Variants in SLX4 observed in about 807,000 individuals in gnomAD.
SLX4 encodes SLX4 structure-specific endonuclease subunit, also known as structure-specific endonuclease subunit SLX4.
SLX4 carries 112 observed loss-of-function variants against 146.2 expected under a neutral mutation model. The ratio of observed to expected loss-of-function variants is 0.77; its 90% CI spans 0.66 to 0.90. The LOEUF (loss-of-function observed/expected upper bound fraction) is 0.90, where lower values mean the gene tolerates loss of function less well. Among genes scored for constraint, SLX4 ranks in the 40% least tolerant of loss-of-function variants. The pLI is 0.00. For synonymous variants in SLX4, 1,061 were observed against 997.7 expected, an observed-to-expected ratio of 1.06 and a Z score of -1.20; for missense variants, 2,563 against 2,392.7, an observed-to-expected ratio of 1.07 and a Z score of -1.49.
Position 3,608,451 on chromosome 16 carries a change from G to C in SLX4, c.514C>G (p.Leu172Val). Residue 172 changes from leucine to valine, a missense_variant, in exon 2 of 15, where the codon CTT (leucine) becomes GTT (valine). By Grantham distance (32) the Leu-to-Val change is conservative (BLOSUM62 1). Coordinates refer to ENST00000294008, the MANE Select transcript of SLX4 (RefSeq NM_032444.4). Reference protein sequence around the residue: ...TGNQQEPSPNLSREKTRENVP... With the variant: ...TGNQQEPSPNVSREKTRENVP... Reference sequence around the variant, plus strand: ...TTACCTCTGGTTTTCTCTCTGGAAAGGTTTGGCGATGGTTCTTGCTGGTTA... The same window carrying C: ...TTACCTCTGGTTTTCTCTCTGGAAACGTTTGGCGATGGTTCTTGCTGGTTA... The C allele has an allele frequency of 6.2e-7, 1 of 1,614,214 alleles. No homozygotes were observed. The highest frequency in any genetic ancestry group is 8.5e-7 in the Non-Finnish European group (1 of 1,180,042).
rs1284986751 is a variant in SLX4, at chr16:3,584,856, T to C, written c.4652A>G (p.Lys1551Arg). 3 of 1,613,448 alleles carry C rather than the reference T, an allele frequency of 1.9e-6. No homozygotes were observed. In the South Asian group the frequency reaches 3.3e-5, roughly 18 times the overall value. The change falls in exon 13 of 15, where the codon AAG (lysine) becomes AGG (arginine). Residue 1551 changes from lysine to arginine, a missense_variant. Coordinates refer to ENST00000294008, the MANE Select transcript of SLX4 (RefSeq NM_032444.4). The part of the protein sequence containing the change: ...GLETPKGANR[K>R]KNLPPKVPIT... ...GGGCACTTTGGGGGGCAAGTTCTTC[T>C]TCCGATTAGCACCTTCTGGGTAAAA...
intron 3 of SLX4, among the ~76,000 whole-genome samples, chr16:3,603,766 G>A (rs2040753757): frequency 6.6e-6 from 1 of 152,240 alleles, no homozygotes; most frequent in Admixed American, 6.5e-5. Context: ...CAAGTACACA[G>A]CAGCTATGGG....
At chr16:3,598,700 G>C (rs1008179140) in intron 5 of SLX4, among the ~76,000 whole-genome samples, 1 of 152,224 alleles carries the variant, frequency 6.6e-6, no homozygotes, top group Non-Finnish European at 1.5e-5. Context: ...ATGCAGTCAT[G>C]CCTCTGGCTT....
Position 3,590,699 on chromosome 16 carries a change from G to C in SLX4, c.2939C>G (p.Ala980Gly). ...TGAGAAGAGCTGTTCGTAATCCCCG[G>C]CATCATCTGAGTGCGGAAGAGAGCC... Reference protein sequence around the residue: ...KEGSLPHSDDAGDYEQLFSST... With the variant: ...KEGSLPHSDDGGDYEQLFSST... The change falls in exon 12 of 15, where the codon GCC becomes GGC. Residue 980 changes from alanine (A) to glycine (G), a missense_variant. By Grantham distance (60) the Ala-to-Gly change is moderately conservative. Coordinates refer to ENST00000294008, the MANE Select transcript of SLX4 (RefSeq NM_032444.4). The surrounding 1 kb of genome is among the most constrained non-coding windows in gnomAD (Gnocchi z 4.8). 6.2e-7 allele frequency: 1 copy of C among 1,614,174 alleles called. No individual in the cohort carries two copies. The highest frequency in any genetic ancestry group is 1.1e-5 in the South Asian group (1 of 91,080).
At chr16:3,592,670 A>G in intron 11 of SLX4, 29 bp downstream of exon 11, 1 of 1,607,616 alleles carries the variant, frequency 6.2e-7, no homozygotes, top group African/African-American at 1.3e-5. Flanking sequence ...CTCGTCAGTT[A>G]ATTTCAAAAG....
chr16:3,600,661 T>G, intron 5 of SLX4: 1 of 326,280 alleles, frequency 3.1e-6, no homozygotes, highest in South Asian at 2.4e-5. Flanking sequence ...AGTGCAGTGG[T>G]ACGATCTTGG....
intron 8 of SLX4, among the ~76,000 whole-genome samples, chr16:3,595,917 C>T (rs1375713349): frequency 6.6e-6 from 1 of 152,256 alleles, no homozygotes; most frequent in East Asian, 1.9e-4. Flanking sequence ...AGAGGATTCA[C>T]TCGCTGTGGG....
chr16:3,586,207 G>A (rs538039254), intron 12 of SLX4, among the ~76,000 whole-genome samples: 2 of 152,200 alleles, frequency 1.3e-5, no homozygotes, highest in South Asian at 4.1e-4. Flanking sequence ...ATTCCTAAGT[G>A]GCATTATTAA....
At chr16:3,583,772 G>A (rs974334127) in intron 13 of SLX4, among the ~76,000 whole-genome samples, 1 of 152,146 alleles carries the variant, frequency 6.6e-6, no homozygotes, top group African/African-American at 2.4e-5. Context: ...GGAGGCTGAG[G>A]CAGGAGGACA....
In SLX4 at chr16:3,596,375, C is replaced by A; in HGVS notation, c.1702G>T (p.Val568Leu). ...RPAQGLMQEPVPPLVPPEHSE... is the reference protein window; with the variant it reads ...RPAQGLMQEPLPPLVPPEHSE... Reference sequence around the variant, plus strand: ...TGCTCAGGTGGCACCAGAGGCGGCACGGGCTCCTGCATAAGGCCCTGAAAG... The same window carrying A: ...TGCTCAGGTGGCACCAGAGGCGGCAAGGGCTCCTGCATAAGGCCCTGAAAG... The change falls in exon 8 of 15, where the codon GTG (valine) becomes TTG (leucine). Residue 568 changes from valine (V) to leucine (L), a missense_variant. Physicochemically the swap from Val to Leu is conservative, Grantham distance 32. Coordinates refer to ENST00000294008, the MANE Select transcript of SLX4 (RefSeq NM_032444.4). 1 of 1,596,536 alleles carries A rather than the reference C, an allele frequency of 6.3e-7. No homozygotes were observed. Among genetic ancestry groups the A allele is most frequent in the Non-Finnish European group, 8.5e-7 (1 of 1,170,542 alleles).
intron 10 of SLX4, among the ~76,000 whole-genome samples, chr16:3,593,553 G>C (rs1567171943): frequency 6.6e-6 from 1 of 152,160 alleles, no homozygotes; most frequent in Non-Finnish European, 1.5e-5. Context: ...CCCAGGAAAA[G>C]CATTAGCCAC....
At position 3,597,855 on chromosome 16, in the gene SLX4, C is replaced by T. The variant is rs147915773; in HGVS notation, c.1308G>A (p.Ala436=). The part of the protein sequence containing the change: ...ALSRSEMEPG[A]AVPALRLESA... ...TTTCCAGCCTGAGCGCTGGTACAGCCGCACCCGGCTCCATCTCCGACCGGG... is the reference window on the plus strand; with the variant it reads ...TTTCCAGCCTGAGCGCTGGTACAGCTGCACCCGGCTCCATCTCCGACCGGG... Residue 436 remains alanine (A), a synonymous_variant, in exon 6 of 15, where the codon GCG becomes GCA. Coordinates refer to ENST00000294008, the MANE Select transcript of SLX4 (RefSeq NM_032444.4). This position sits in a 1 kb window ranked among gnomAD's most constrained non-coding sequence, Gnocchi z 4.4. The T allele has an allele frequency of 7.4e-6, 12 of 1,614,006 alleles. No homozygotes were observed. The highest frequency in any genetic ancestry group is 2.2e-5 in the South Asian group (2 of 91,080).
rs778404827 is a variant in SLX4, at chr16:3,608,504, C to T, written c.461G>A (p.Arg154Gln). 3.3e-5 allele frequency: 54 copies of T among 1,614,038 alleles called. No homozygotes were observed. Among genetic ancestry groups the T allele is most frequent in the Admixed American group, 8.3e-5 (5 of 59,994 alleles). ...CGTCTGGGTGTTTTGTGCTGTTTCC[C>T]GGAGCACAGGTGGATCTGGAGCAGA... is the stretch of plus-strand genomic sequence containing the variant. The part of the protein sequence containing the change: ...LASAPDPPVL[R>Q]ETAQNTQTGN... The change falls in exon 2 of 15, where the codon CGG becomes CAG. Residue 154 changes from arginine (R) to glutamine (Q), a missense_variant. Coordinates refer to ENST00000294008, the MANE Select transcript of SLX4 (RefSeq NM_032444.4).
chr16:3,584,896 G>A (rs1036290470), intron 12 of SLX4, 25 bp from the exon 13 acceptor site: 24 of 1,512,020 alleles, frequency 1.6e-5, no homozygotes, highest in Middle Eastern at 1.7e-4. Flanking sequence ...AGAAGCACAC[G>A]TTTTAGCATG....
At position 3,589,529 on chromosome 16, in the gene SLX4, C is replaced by T. The variant is rs747599109; in HGVS notation, c.4109G>A (p.Ser1370Asn). Residue 1370 changes from serine (S) to asparagine (N), a missense_variant, in exon 12 of 15, where the codon AGC (serine) becomes AAC (asparagine). By Grantham distance (46) the Ser-to-Asn change is conservative. Coordinates refer to ENST00000294008, the MANE Select transcript of SLX4 (RefSeq NM_032444.4). The surrounding 1 kb of genome is among the most constrained non-coding windows in gnomAD (Gnocchi z 6.2). ...HPISGDRAHFSRRFLKHSPPG... is the reference protein window; with the variant it reads ...HPISGDRAHFNRRFLKHSPPG... ...CGGCGAGTGTTTCAGGAACCGCCTGCTGAAGTGGGCGCGGTCCCCTGAGAT... is the reference window on the plus strand; with the variant it reads ...CGGCGAGTGTTTCAGGAACCGCCTGTTGAAGTGGGCGCGGTCCCCTGAGAT... The T allele has an allele frequency of 5.0e-6, 8 of 1,609,870 alleles. No homozygotes were observed. In the African/African-American group the frequency reaches 1.1e-4, roughly 22 times the overall value.
intron 11 of SLX4, among the ~76,000 whole-genome samples, chr16:3,592,396 G>C (rs1567171475): frequency 6.6e-6 from 1 of 152,206 alleles, no homozygotes; most frequent in Non-Finnish European, 1.5e-5. Context: ...AGCAGTGTTG[G>C]GGGGCGCTGT....
rs1352003754 is a variant in SLX4 at position 3,597,787 on chromosome 16, T to A, written c.1366+10A>T. On this transcript the variant is annotated intron_variant, in intron 6 of 14. Coordinates refer to ENST00000294008, the MANE Select transcript of SLX4 (RefSeq NM_032444.4). The surrounding 1 kb of genome is among the most constrained non-coding windows in gnomAD (Gnocchi z 4.4). ...GCCTCTCCCAGGGTCACTCTTCTGATCACACAAACCTGCTTCTGGTCTTAT... is the reference window on the plus strand; with the variant it reads ...GCCTCTCCCAGGGTCACTCTTCTGAACACACAAACCTGCTTCTGGTCTTAT... The A allele has an allele frequency of 1.2e-6, 2 of 1,614,150 alleles. No homozygotes were observed. Among genetic ancestry groups the A allele is most frequent in the Middle Eastern group, 1.6e-4 (1 of 6,062 alleles).
chr16:3,587,917 C>T (rs888449252), intron 12 of SLX4, among the ~76,000 whole-genome samples: 35 of 152,298 alleles, frequency 2.3e-4, no homozygotes, highest in African/African-American at 8.4e-4. Context: ...TTGCCCTCCC[C>T]GGAGGTGCCT....
chr16:3,609,759 G>A (rs1295860630), intron 1 of SLX4, among the ~76,000 whole-genome samples, 193 bp from the exon 2 acceptor site: 1 of 152,230 alleles, frequency 6.6e-6, no homozygotes, highest in South Asian at 2.1e-4. Flanking sequence ...CTAGAAACCT[G>A]TCAAAGCATG....
Sources: allele counts gnomAD v4.1 joint callset (sites outside exome capture counted in the v4.1 genomes callset), GRCh38; gene constraint gnomAD v4.1.1; non-coding constraint Gnocchi (gnomAD v3.1); transcripts MANE v1.5; gene names NCBI Gene and HGNC (gene_info 2026-07-23, HGNC 2026-07-21).